Variants in CNBD1 observed in about 807,000 individuals in gnomAD.
CNBD1 encodes the protein cyclic nucleotide-binding domain-containing protein 1.
Under a neutral mutation model 54.4 loss-of-function variants are expected in CNBD1, and 71 were observed. That is an observed-to-expected ratio of 1.30 (90% CI 1.08 to 1.59). The LOEUF (loss-of-function observed/expected upper bound fraction) is 1.59. Among genes scored for constraint, CNBD1 ranks in the 40% most tolerant of loss-of-function variants. CNBD1 has a pLI of 0.00. For missense variants in CNBD1, 659 were observed against 518.0 expected (o/e 1.27, Z -2.64); for synonymous variants, 182 against 170.7 (o/e 1.07, Z -0.51).
chr8:87,386,576 G>GA (rs1811195015), downstream of CNBD1, among the ~76,000 whole-genome samples: 1 of 152,044 alleles, frequency 6.6e-6, no homozygotes, highest in South Asian at 2.1e-4. Context: ...AAAAAGAAAT[G>GA]AAAAAAGCCT....
intron 2 of CNBD1, among the ~76,000 whole-genome samples, chr8:87,427,547 A>G (rs1808070812): frequency 6.6e-6 from 1 of 152,186 alleles, no homozygotes; most frequent in African/African-American, 2.4e-5. Flanking sequence ...AGGGAATAAA[A>G]ATGATCAAAA....
rs200728395 is a variant in CNBD1, at chr8:86,887,556, A to G, written c.103A>G (p.Lys35Glu). The G allele has an allele frequency of 1.5e-4, 234 of 1,569,738 alleles. 1 individual carries two copies. The African/African-American group carries it at 2.9e-3, about 19-fold the overall frequency. The stretch of plus-strand genomic sequence containing the variant: ...TTTTTTTTCAGACTTGAAAAAGTCT[A>G]AGCACATTAATTATGGCCAGTTGAA... ...LHSIPNLKKS[K>E]HINYGQLNAL... Residue 35 changes from lysine to glutamate, a missense_variant, in exon 2 of 11, where the codon AAG becomes GAG. Coordinates refer to ENST00000518476, the MANE Select transcript of CNBD1 (RefSeq NM_173538.3).
At chr8:87,299,827 C>T (rs1419378141) in intron 8 of CNBD1, among the ~76,000 whole-genome samples, 4 of 152,170 alleles carry the variant, frequency 2.6e-5, no homozygotes, top group South Asian at 2.1e-4. Flanking sequence ...AGCCACACCA[C>T]ACCCTGCAGC....
In CNBD1 at chr8:87,191,505, C is replaced by T. The variant is rs142404411; in HGVS notation, c.432-14488C>T. ...CATTGCCAGCCATCTAGGCATTGCT[C>T]GATGCAGTCAAGTTGACACCTAATA... is the stretch of plus-strand genomic sequence containing the variant. On this transcript the variant is annotated intron_variant, in intron 4 of 10. Transcript: ENST00000518476. Among the ~76,000 whole-genome samples the T allele has an allele frequency of 4.2e-4, 64 of 152,244 alleles. 1 individual carries two copies. Among genetic ancestry groups the T allele is most frequent in the Admixed American group, 2.6e-4 (4 of 15,292 alleles).
At chr8:87,405,750 G>A (rs116887890) in intron 2 of CNBD1, among the ~76,000 whole-genome samples, 2 of 152,226 alleles carry the variant, frequency 1.3e-5, no homozygotes, top group East Asian at 1.9e-4. Context: ...TAACAATGCC[G>A]ATAGCACAAG....
chr8:87,294,259 T>C (rs1043594570), intron 8 of CNBD1, among the ~76,000 whole-genome samples: 1 of 152,190 alleles, frequency 6.6e-6, no homozygotes, highest in Non-Finnish European at 1.5e-5. Context: ...TTGGGAGTAT[T>C]GTATAGAATA....
chr8:87,187,125 A>G (rs552556973), intron 4 of CNBD1, among the ~76,000 whole-genome samples: 20 of 126,452 alleles, frequency 1.6e-4, no homozygotes, highest in African/African-American at 4.5e-4. Flanking sequence ...TTAAAAATCA[A>G]TCTCCAAAAA....
intron 4 of CNBD1, among the ~76,000 whole-genome samples, chr8:86,949,246 T>G (rs1313385629): frequency 6.6e-6 from 1 of 152,198 alleles, no homozygotes; most frequent in Non-Finnish European, 1.5e-5. Context: ...CTTTTGTGGT[T>G]CCATATAAAT....
chr8:87,019,652 C>T (rs187208832), intron 4 of CNBD1, among the ~76,000 whole-genome samples: 238 of 152,100 alleles, frequency 1.6e-3, no homozygotes, highest in African/African-American at 5.1e-3. Context: ...CCGAGGTGGG[C>T]GGATCACCTA....
At chr8:87,010,354 T>C (rs1809190923) in intron 4 of CNBD1, among the ~76,000 whole-genome samples, 1 of 152,228 alleles carries the variant, frequency 6.6e-6, no homozygotes, top group Non-Finnish European at 1.5e-5. Flanking sequence ...AATTTTCTAA[T>C]GCTTTGTTTT....
chr8:86,960,727 A>G (rs558945628), intron 4 of CNBD1, among the ~76,000 whole-genome samples: 3 of 152,290 alleles, frequency 2.0e-5, no homozygotes, highest in Admixed American at 1.3e-4. Context: ...ACTGGGAGAC[A>G]TCTCCCAGTG....
intron 3 of CNBD1, among the ~76,000 whole-genome samples, chr8:86,917,920 G>T (rs988836113): frequency 6.6e-6 from 1 of 152,182 alleles, no homozygotes; most frequent in Admixed American, 6.5e-5. Context: ...TAGTGAGACT[G>T]AGATACCATA....
At chr8:87,142,483 A>G (rs1343249632) in intron 4 of CNBD1, among the ~76,000 whole-genome samples, 3 of 152,140 alleles carry the variant, frequency 2.0e-5, no homozygotes, top group Non-Finnish European at 4.4e-5. Context: ...TTAACATTAC[A>G]ATATATAACT....
At chr8:87,371,749 T>C (rs1810807814) in intron 10 of CNBD1, among the ~76,000 whole-genome samples, 1 of 151,912 alleles carries the variant, frequency 6.6e-6, no homozygotes, top group Non-Finnish European at 1.5e-5. Context: ...CATGATTATC[T>C]CAATAGATGC....
intron 1 of CNBD1, among the ~76,000 whole-genome samples, chr8:86,867,897 C>A (rs1332141488): frequency 1.3e-5 from 2 of 152,104 alleles, no homozygotes; most frequent in Admixed American, 1.3e-4. Flanking sequence ...AAATCAGCAG[C>A]AATTTAGATC....
chr8:87,270,708 T>C (rs545010845), intron 6 of CNBD1, among the ~76,000 whole-genome samples: 1 of 151,938 alleles, frequency 6.6e-6, no homozygotes, highest in Admixed American at 6.6e-5. Context: ...AATTTATTTA[T>C]TTATTTTTTT....
At chr8:86,949,146 A>G (rs1018071461) in intron 4 of CNBD1, among the ~76,000 whole-genome samples, 2 of 152,054 alleles carry the variant, frequency 1.3e-5, no homozygotes, top group Non-Finnish European at 2.9e-5. Flanking sequence ...CATTTTGTTT[A>G]CTATAGCTCT....
At chr8:87,333,448 G>A (rs895944854) in intron 8 of CNBD1, among the ~76,000 whole-genome samples, 5 of 152,146 alleles carry the variant, frequency 3.3e-5, no homozygotes, top group Non-Finnish European at 7.3e-5. Flanking sequence ...TCCCTGTCTT[G>A]TGCCAGCTTT....
intron 4 of CNBD1, among the ~76,000 whole-genome samples, chr8:87,102,664 A>G (rs1237098473): frequency 1.3e-5 from 2 of 152,058 alleles, no homozygotes; most frequent in Non-Finnish European, 2.9e-5. Flanking sequence ...CCCAGGCTGG[A>G]GTGCAGTGGC....
Sources: allele counts gnomAD v4.1 joint callset (sites outside exome capture counted in the v4.1 genomes callset), GRCh38; gene constraint gnomAD v4.1.1; transcripts MANE v1.5; gene names NCBI Gene and HGNC (gene_info 2026-07-23, HGNC 2026-07-21).